Variants in NUP98 observed in about 807,000 individuals in gnomAD.
The protein encoded by NUP98 is nucleoporin 98 and 96 precursor.
In NUP98, 26 loss-of-function variants were observed where a neutral mutation model predicts 191.9. The ratio of observed to expected loss-of-function variants is 0.14; its 90% CI spans 0.10 to 0.19. The LOEUF (loss-of-function observed/expected upper bound fraction) is 0.19. Among genes scored for constraint, NUP98 ranks in the 10% least tolerant of loss-of-function variants. NUP98 has a pLI of 1.00. For synonymous variants in NUP98, 808 were observed against 778.4 expected, an observed-to-expected ratio of 1.04 and a Z score of -0.63; for missense variants, 1,941 against 2,178.8, an observed-to-expected ratio of 0.89 and a Z score of 2.17.
At chr11:3,746,183 C>T (rs963812796) in intron 11 of NUP98, among the ~76,000 whole-genome samples, 3 of 146,166 alleles carry the variant, frequency 2.1e-5, no homozygotes, top group African/African-American at 7.6e-5. Flanking sequence ...GCAGGAGAAT[C>T]GCTTGAACCC....
At chr11:3,778,441 C>T (rs1184796727) in intron 4 of NUP98, among the ~76,000 whole-genome samples, 1 of 152,262 alleles carries the variant, frequency 6.6e-6, no homozygotes, top group Middle Eastern at 3.4e-3. Flanking sequence ...AACCATGTCA[C>T]GTCCATTATG....
rs138415952 is a variant in NUP98, at chr11:3,727,984, G to A, written c.1731-2765C>T. 2.6e-3 allele frequency among the ~76,000 whole-genome samples: 399 copies of A among 152,200 alleles called. 3 individuals carry two copies. The highest frequency in any genetic ancestry group is 9.2e-3 in the African/African-American group (382 of 41,534). Reference sequence around the variant, plus strand: ...TGCAGTGAGCTATGACAGCGCCACCGCACTCCAGCCTGGGTGACAGAGTAA... The same window carrying A: ...TGCAGTGAGCTATGACAGCGCCACCACACTCCAGCCTGGGTGACAGAGTAA... On this transcript the variant is annotated intron_variant, in intron 14 of 32. Coordinates refer to ENST00000324932, the MANE Select transcript of NUP98 (RefSeq NM_016320.5).
intron 8 of NUP98, 41 bp downstream of exon 8, chr11:3,768,540 A>G: frequency 2.0e-6 from 3 of 1,469,782 alleles, no homozygotes; most frequent in Non-Finnish European, 2.7e-6. Flanking sequence ...ACTTAACTCT[A>G]AAAATAAGAC....
At chr11:3,749,346 C>T (rs1440599290) in intron 11 of NUP98, among the ~76,000 whole-genome samples, 4 of 152,090 alleles carry the variant, frequency 2.6e-5, no homozygotes, top group East Asian at 3.9e-4. Context: ...ATTAAGAGGC[C>T]GGGCACAGAG....
rs367770145 is a variant in NUP98 at position 3,706,318 on chromosome 11, A to AT, written c.2925+126dup. ...GCCCAGACATTGGCCATATTCTTGT[A>AT]TTTTTTTTCCCCATTACAGTGAGCA... On this transcript the variant is annotated intron_variant, in intron 21 of 32. Coordinates refer to ENST00000324932, the MANE Select transcript of NUP98 (RefSeq NM_016320.5). 1.6e-4 allele frequency: 131 copies of AT among 807,530 alleles called. 1 individual carries two copies. The highest frequency in any genetic ancestry group is 9.6e-4 in the Admixed American group (39 of 40,592). 50.0% of individuals were successfully genotyped at this position (807,530 alleles called of 1,614,324 possible).
intron 1 of NUP98, among the ~76,000 whole-genome samples, chr11:3,789,258 C>G (rs1787378963): frequency 6.6e-6 from 1 of 152,138 alleles, no homozygotes; most frequent in African/African-American, 2.4e-5. Flanking sequence ...TCCCCTCACT[C>G]TAAACTTTGG....
rs2078128108 is a variant in NUP98, at chr11:3,686,202, G to A, written c.4455-8C>T. On this transcript the variant is annotated splice_region_variant and splice_polypyrimidine_tract_variant and intron_variant, in intron 28 of 32. Coordinates refer to ENST00000324932, the MANE Select transcript of NUP98 (RefSeq NM_016320.5). ...TGGTTGAGATCATAATGTCTGCAAA[G>A]AACGTGTTGAGAGTCAACATACACA... 6.2e-7 allele frequency: 1 copy of A among 1,613,750 alleles called. No homozygotes were observed. The highest frequency in any genetic ancestry group is 1.3e-5 in the African/African-American group (1 of 75,066).
intron 1 of NUP98, among the ~76,000 whole-genome samples, chr11:3,795,622 G>A (rs1364834638): frequency 1.3e-5 from 2 of 152,102 alleles, no homozygotes; most frequent in African/African-American, 4.8e-5. Context: ...GGCCTACTAT[G>A]TGGCAAGCAA....
intron 15 of NUP98, 51 bp from the exon 16 acceptor site, chr11:3,723,506 T>C (rs370449863): frequency 4.5e-5 from 66 of 1,474,162 alleles, no homozygotes; most frequent in South Asian, 2.8e-4. Context: ...GTAATAACAA[T>C]GATAATAGCT....
At chr11:3,695,417 A>G in intron 26 of NUP98, 32 bp downstream of exon 26, 4 of 1,489,246 alleles carry the variant, frequency 2.7e-6, no homozygotes, top group Non-Finnish European at 3.6e-6. Flanking sequence ...GAAAAAACCA[A>G]TGTGAGATAT....
rs1036697426 is a variant in NUP98 at position 3,731,489 on chromosome 11, C to A, written c.1632G>T (p.Arg544=). ...KLTPRPATRV[R]PKALQTTGTA... ...TGCCTGTTGTTTGTAAAGCCTTTGG[C>A]CGGACTCTAGTGGCAGGGCGGGGTG... is the stretch of plus-strand genomic sequence containing the variant. The change falls in exon 14 of 33, where the codon CGG becomes CGT. Residue 544 remains arginine, a synonymous_variant. Coordinates refer to ENST00000324932, the MANE Select transcript of NUP98 (RefSeq NM_016320.5). 1.9e-6 allele frequency: 3 copies of A among 1,609,664 alleles called. No individual in the cohort carries two copies. Among genetic ancestry groups the A allele is most frequent in the Non-Finnish European group, 2.5e-6 (3 of 1,177,798 alleles).
At chr11:3,737,274 G>A (rs1292983622) in intron 12 of NUP98, among the ~76,000 whole-genome samples, 1 of 147,204 alleles carries the variant, frequency 6.8e-6, no homozygotes. Context: ...TTTCTGAAAA[G>A]TCTCACAATG....
At chr11:3,700,319 C>T (rs924353272) in intron 24 of NUP98, among the ~76,000 whole-genome samples, 48 of 151,828 alleles carry the variant, frequency 3.2e-4, no homozygotes, top group Non-Finnish European at 2.4e-4. Flanking sequence ...ATTTCTCTCC[C>T]TATGTTCTCT....
At chr11:3,793,648 T>A (rs2082429677) in intron 1 of NUP98, among the ~76,000 whole-genome samples, 1 of 151,930 alleles carries the variant, frequency 6.6e-6, no homozygotes, top group Non-Finnish European at 1.5e-5. Flanking sequence ...GTATTTCCCA[T>A]TACACTGAAT....
rs139926792 is a variant in NUP98, at chr11:3,735,235, G to C, written c.1498C>G (p.Pro500Ala). The C allele has an allele frequency of 1.9e-6, 3 of 1,601,870 alleles. No homozygotes were observed. The African/African-American group carries it at 4.0e-5, about 21-fold the overall frequency. ...SLTYSPFGDS[P>A]LFRNPMSDPK... ...TCTGACATCGGATTCCGGAAGAGAG[G>C]AGAGTCTCCAAAAGGTGAGTATGTT... is the stretch of plus-strand genomic sequence containing the variant. Residue 500 changes from proline (P) to alanine (A), a missense_variant, in exon 13 of 33, where the codon CCT (proline) becomes GCT (alanine). Physicochemically the swap from Pro to Ala is conservative, Grantham distance 27. This residue lies in a region of NUP98 where 453 missense variants were observed against 438.2 expected (regional missense o/e 1.03). Coordinates refer to ENST00000324932, the MANE Select transcript of NUP98 (RefSeq NM_016320.5).
intron 7 of NUP98, 64 bp downstream of exon 7, chr11:3,771,684 T>C: frequency 4.2e-6 from 6 of 1,442,398 alleles, no homozygotes; most frequent in Non-Finnish European, 5.8e-6. Flanking sequence ...AAAATGGCAA[T>C]TATGTTTTAG....
intron 1 of NUP98, among the ~76,000 whole-genome samples, chr11:3,797,189 T>C (rs1422655460): frequency 6.6e-6 from 1 of 152,242 alleles, no homozygotes; most frequent in East Asian, 1.9e-4. Flanking sequence ...ACCCCACTGA[T>C]GTCCATTCTC....
chr11:3,701,192 T>C (rs2078665293), intron 23 of NUP98, among the ~76,000 whole-genome samples: 1 of 152,072 alleles, frequency 6.6e-6, no homozygotes, highest in Non-Finnish European at 1.5e-5. Flanking sequence ...AGGCTAAGCT[T>C]CTAGATACTA....
chr11:3,785,393 T>G (rs1322123003), intron 1 of NUP98, among the ~76,000 whole-genome samples: 2 of 152,200 alleles, frequency 1.3e-5, no homozygotes, highest in Non-Finnish European at 2.9e-5. Flanking sequence ...AACTGTCTGG[T>G]TCCTGTGGGT....
Sources: gnomAD v4.1 joint callset for allele counts (sites outside exome capture counted in the v4.1 genomes callset) on GRCh38, gnomAD v4.1.1 for gene constraint, gnomAD v4.1.1 regional missense constraint, MANE v1.5 for transcripts, NCBI Gene and HGNC (gene_info 2026-07-23, HGNC 2026-07-21) for gene names.